Variants in GALNT13 observed in about 807,000 individuals in gnomAD.
GALNT13 encodes the protein UDP-GalNAc:polypeptide N-acetylgalactosaminyltransferase 13.
In GALNT13, 28 loss-of-function variants were observed where a neutral mutation model predicts 64.2. That is an observed-to-expected ratio of 0.44 (90% CI 0.32 to 0.60). The LOEUF is 0.60. GALNT13 is among the 20% of genes least tolerant of loss of function. The pLI is 0.05. For missense variants in GALNT13, 577 were observed against 669.8 expected, an observed-to-expected ratio of 0.86 and a Z score of 1.53; for synonymous variants, 214 against 224.6, an observed-to-expected ratio of 0.95 and a Z score of 0.42.
intron 4 of GALNT13, among the ~76,000 whole-genome samples, chr2:154,152,451 G>C (rs1041072611): frequency 2.6e-5 from 4 of 152,220 alleles, no homozygotes; most frequent in African/African-American, 9.6e-5. Flanking sequence ...GGCGTTCTCT[G>C]TATTTCCTGA....
the GALNT13 span, chr2:153,173,220 G>A: frequency 1.3e-5 from 2 of 152,126 alleles, no homozygotes; most frequent in South Asian, 4.2e-4. Context: ...TCTTACCGAT[G>A]GGGGTGTGTT....
At chr2:153,746,730 T>C in the GALNT13 span, among the ~76,000 whole-genome samples, 3 of 152,180 alleles carry the variant, frequency 2.0e-5, no homozygotes, top group African/African-American at 7.2e-5. Flanking sequence ...TTTAAGTTAT[T>C]CTGTATCCTT....
At position 153,875,011 on chromosome 2, in the gene GALNT13, A is replaced by G. The variant is rs1166904330; in HGVS notation, c.-177+2708A>G. On this transcript the variant is annotated intron_variant, in intron 1 of 12. Transcript: ENST00000392825. Reference sequence around the variant, plus strand: ...CAAGTGAAAAGTTCTCTCTTTTAATATAAAGAACAGATATATCAGCTTAAA... The same window carrying G: ...CAAGTGAAAAGTTCTCTCTTTTAATGTAAAGAACAGATATATCAGCTTAAA... 5.3e-5 allele frequency among the ~76,000 whole-genome samples: 8 copies of G among 152,130 alleles called. No homozygotes were observed. The South Asian group carries it at 1.0e-3, about 20-fold the overall frequency.
chr2:154,000,637 G>A (rs1456690454), intron 3 of GALNT13, among the ~76,000 whole-genome samples: 1 of 151,872 alleles, frequency 6.6e-6, no homozygotes, highest in Non-Finnish European at 1.5e-5. Flanking sequence ...TTATTCTACT[G>A]TCGTGAGAAA....
chr2:153,109,472 C>T, the GALNT13 span, among the ~76,000 whole-genome samples: 1 of 152,166 alleles, frequency 6.6e-6, no homozygotes, highest in South Asian at 2.1e-4. Context: ...GTTCTATTAA[C>T]ATTCAGAGAA....
intron 9 of GALNT13, among the ~76,000 whole-genome samples, chr2:154,378,032 A>G (rs1007341231): frequency 2.6e-5 from 4 of 152,106 alleles, no homozygotes; most frequent in African/African-American, 4.8e-5. Flanking sequence ...GACTACATTT[A>G]TATGACCCTT....
At chr2:153,170,968 A>G in the GALNT13 span, among the ~76,000 whole-genome samples, 1 of 149,586 alleles carries the variant, frequency 6.7e-6, no homozygotes, top group African/African-American at 2.4e-5. Flanking sequence ...AAGAGATGAA[A>G]TTATTTTTTA....
chr2:153,514,727 G>A, the GALNT13 span, among the ~76,000 whole-genome samples: 1 of 152,124 alleles, frequency 6.6e-6, no homozygotes, highest in East Asian at 1.9e-4. Flanking sequence ...TTCAAGGGGT[G>A]GGGATAAGGG....
intron 1 of GALNT13, among the ~76,000 whole-genome samples, chr2:153,885,861 T>C (rs1382007703): frequency 1.3e-5 from 2 of 152,114 alleles, no homozygotes; most frequent in Admixed American, 6.6e-5. Context: ...AACGTGAGCA[T>C]ATGGGTAGTT....
At chr2:154,174,382 T>C (rs1004177957) in intron 4 of GALNT13, among the ~76,000 whole-genome samples, 3 of 152,126 alleles carry the variant, frequency 2.0e-5, no homozygotes, top group African/African-American at 7.2e-5. Flanking sequence ...CAGACACTGA[T>C]CTGTATAGTC....
chr2:153,772,463 A>G, the GALNT13 span, among the ~76,000 whole-genome samples: 1 of 152,190 alleles, frequency 6.6e-6, no homozygotes, highest in African/African-American at 2.4e-5. Context: ...TGCTTCTCTC[A>G]CTTTTATCAG....
At chr2:153,205,097 A>C in the GALNT13 span, among the ~76,000 whole-genome samples, 1 of 152,156 alleles carries the variant, frequency 6.6e-6, no homozygotes. Flanking sequence ...ACTCATGGTG[A>C]AGATAGGCTT....
chr2:153,145,335 G>A, the GALNT13 span, among the ~76,000 whole-genome samples: 14 of 151,942 alleles, frequency 9.2e-5, no homozygotes, highest in Non-Finnish European at 1.3e-4. Flanking sequence ...CTATAATGCC[G>A]AAAAAGAAGT....
At chr2:153,765,361 T>C in the GALNT13 span, among the ~76,000 whole-genome samples, 1 of 152,178 alleles carries the variant, frequency 6.6e-6, no homozygotes, top group African/African-American at 2.4e-5. Flanking sequence ...AGACATAGAG[T>C]CAAAGTAGAT....
At chr2:154,049,487 T>C (rs1699466949) in intron 3 of GALNT13, among the ~76,000 whole-genome samples, 1 of 144,338 alleles carries the variant, frequency 6.9e-6, no homozygotes, top group African/African-American at 2.5e-5. Flanking sequence ...CACTGTGATA[T>C]GAAATATATA....
the GALNT13 span, among the ~76,000 whole-genome samples, chr2:153,376,050 GAGC>G: frequency 2.6e-5 from 4 of 152,098 alleles, no homozygotes; most frequent in Non-Finnish European, 4.4e-5. Flanking sequence ...CTCACAGGGA[GAGC>G]ATTAATCTCT....
the GALNT13 span, among the ~76,000 whole-genome samples, chr2:153,610,074 G>A: frequency 6.6e-6 from 1 of 152,092 alleles, no homozygotes; most frequent in Non-Finnish European, 1.5e-5. Flanking sequence ...GAAGTGGGAG[G>A]AAAGTCCCAG....
chr2:153,725,615 T>G, the GALNT13 span, among the ~76,000 whole-genome samples: 1 of 151,998 alleles, frequency 6.6e-6, no homozygotes. Context: ...TTAAGAAGAT[T>G]TTTTGGAAAA....
the GALNT13 span, among the ~76,000 whole-genome samples, chr2:153,643,564 T>A: frequency 1.2e-3 from 184 of 151,444 alleles, no homozygotes; most frequent in Non-Finnish European, 2.1e-3. Flanking sequence ...GTTAATCCAA[T>A]CTCCACAAAA....
Sources: allele counts gnomAD v4.1 joint callset (sites outside exome capture counted in the v4.1 genomes callset), GRCh38; gene constraint gnomAD v4.1.1; transcripts MANE v1.5; gene names NCBI Gene and HGNC (gene_info 2026-07-23, HGNC 2026-07-21).